Variants in SLCO3A1 observed in about 807,000 individuals in gnomAD.
SLCO3A1 encodes the protein PGE1 transporter.
In SLCO3A1, 27 loss-of-function variants were observed where a neutral mutation model predicts 63.1. That is an observed-to-expected ratio of 0.43 (90% CI 0.32 to 0.59). The LOEUF (loss-of-function observed/expected upper bound fraction) is 0.59. Ranked by LOEUF, SLCO3A1 falls within the 20% of genes least tolerant of loss-of-function variation. The pLI is 0.09. For missense variants in SLCO3A1, 773 were observed against 945.8 expected, an observed-to-expected ratio of 0.82 and a Z score of 2.40; for synonymous variants, 473 against 409.9, an observed-to-expected ratio of 1.15 and a Z score of -1.86.
At chr15:91,991,443 A>G (rs777127876) in intron 2 of SLCO3A1, among the ~76,000 whole-genome samples, 1 of 152,230 alleles carries the variant, frequency 6.6e-6, no homozygotes, top group Non-Finnish European at 1.5e-5. Flanking sequence ...TGTGCAGATC[A>G]TACAAACTGT....
At chr15:92,094,770 C>T in intron 2 of SLCO3A1, 111 bp from the exon 3 acceptor site, 1 of 681,152 alleles carries the variant, frequency 1.5e-6, no homozygotes. Flanking sequence ...TAGATGAATT[C>T]CTAATGTCAT....
intron 2 of SLCO3A1, among the ~76,000 whole-genome samples, chr15:91,924,773 AATG>A (rs1202710073): frequency 6.6e-6 from 1 of 152,212 alleles, no homozygotes; most frequent in Non-Finnish European, 1.5e-5. Flanking sequence ...ATTGGAAAGA[AATG>A]AAACCATTTT....
chr15:92,163,951 A>G lies in SLCO3A1; in HGVS notation c.*816A>G, dbSNP rs2151606094. ...AGGAAGCAGTAGGCCTCGCCTGGCT[A>G]TGACTGACCCGGCTCAGAGCTGGTG... On this transcript the variant is annotated 3_prime_UTR_variant, in exon 10 of 10. Coordinates refer to ENST00000318445, the MANE Select transcript of SLCO3A1 (RefSeq NM_013272.4). 8 of 985,454 alleles carry G rather than the reference A, an allele frequency of 8.1e-6. No individual in the cohort carries two copies. The highest frequency in any genetic ancestry group is 9.6e-6 in the Non-Finnish European group (8 of 829,952). The allele number at this position is 985,454 out of a possible 1,614,324, so 61.0% of individuals were successfully genotyped here.
intron 2 of SLCO3A1, among the ~76,000 whole-genome samples, chr15:92,027,785 A>G (rs762998839): frequency 2.6e-4 from 40 of 152,236 alleles, no homozygotes; most frequent in Non-Finnish European, 4.7e-4. Context: ...GATCATGAAA[A>G]CAGGACCGCG....
rs1416713557 is a variant in SLCO3A1, at chr15:92,163,321, TAAGGAGA to T, written c.*187_*193del. 1.6e-6 allele frequency: 2 copies of T among 1,255,596 alleles called. No homozygotes were observed. The highest frequency in any genetic ancestry group is 2.0e-6 in the Non-Finnish European group (2 of 1,002,996). 77.8% of individuals were successfully genotyped at this position (1,255,596 alleles called of 1,614,324 possible). A position where few individuals can be genotyped will look rare whatever the true frequency, so the allele number is the denominator to read the frequency against. On this transcript the variant is annotated 3_prime_UTR_variant, in exon 10 of 10. Coordinates refer to ENST00000318445, the MANE Select transcript of SLCO3A1 (RefSeq NM_013272.4). Reference sequence around the variant, plus strand: ...CATCAGAGCCAGACAGGATTCAGAATAAGGAGAGAATGACATCGTGCGGCAGGGTCCT... The same window carrying T: ...CATCAGAGCCAGACAGGATTCAGAATGAATGACATCGTGCGGCAGGGTCCT...
chr15:92,080,754 G>T (rs1167005737), intron 2 of SLCO3A1, among the ~76,000 whole-genome samples: 1 of 152,206 alleles, frequency 6.6e-6, no homozygotes, highest in East Asian at 1.9e-4. Context: ...CTTTACGAGA[G>T]ATTTGGGTTC....
At chr15:92,029,356 G>A (rs909290615) in intron 2 of SLCO3A1, among the ~76,000 whole-genome samples, 3 of 152,114 alleles carry the variant, frequency 2.0e-5, no homozygotes, top group East Asian at 1.9e-4. Flanking sequence ...GGGCATGAGC[G>A]GCAGGACCCC....
At chr15:91,965,285 G>C (rs1021352947) in intron 2 of SLCO3A1, among the ~76,000 whole-genome samples, 53 of 152,156 alleles carry the variant, frequency 3.5e-4, no homozygotes, top group African/African-American at 1.2e-3. Flanking sequence ...TGGCTCCTCA[G>C]GGATCCCCAA....
downstream of SLCO3A1, among the ~76,000 whole-genome samples, chr15:92,169,390 C>T (rs570456520): frequency 1.3e-5 from 2 of 152,206 alleles, no homozygotes. Flanking sequence ...CACCTTTAGA[C>T]ACTGATCAAG....
Position 92,065,558 on chromosome 15 carries a change from G to GA in SLCO3A1, c.647-29317dup, listed in dbSNP as rs756015627. On this transcript the variant is annotated intron_variant, in intron 2 of 9. Transcript: ENST00000318445. ...GTCTCAACTCCAGTTTTTCTGCAAGGAAAAAAGGAGGCTAGGCTAAATAAT... is the reference window on the plus strand; with the variant it reads ...GTCTCAACTCCAGTTTTTCTGCAAGGAAAAAAAGGAGGCTAGGCTAAATAAT... Among the ~76,000 whole-genome samples, 152 of 152,136 alleles carry GA rather than the reference G, an allele frequency of 1.0e-3. 2 individuals are homozygous for GA. Among genetic ancestry groups the GA allele is most frequent in the Non-Finnish European group, 1.3e-3 (86 of 67,974 alleles).
chr15:92,166,259 G>A (rs1016042151), downstream of SLCO3A1, among the ~76,000 whole-genome samples: 4 of 152,176 alleles, frequency 2.6e-5, no homozygotes, highest in African/African-American at 9.7e-5. Context: ...CTCACAGCTA[G>A]CGAAGGAGTG....
chr15:92,126,511 G>A (rs76873593), intron 6 of SLCO3A1, among the ~76,000 whole-genome samples: 3,875 of 152,186 alleles, frequency 0.025, 174 homozygotes, highest in African/African-American at 0.089. Context: ...GACTCACATC[G>A]CGATTTTTGG....
chr15:91,877,228 G>T (rs915029339), intron 1 of SLCO3A1, among the ~76,000 whole-genome samples: 5 of 152,282 alleles, frequency 3.3e-5, no homozygotes, highest in African/African-American at 1.2e-4. Context: ...TTTTAATTAA[G>T]TTGGTGTGAA....
chr15:92,108,549 A>C (rs2047691872), intron 4 of SLCO3A1, among the ~76,000 whole-genome samples: 1 of 152,230 alleles, frequency 6.6e-6, no homozygotes, highest in African/African-American at 2.4e-5. Flanking sequence ...TAATAGACAT[A>C]CGTACAGTAT....
intron 2 of SLCO3A1, among the ~76,000 whole-genome samples, chr15:91,982,028 C>T (rs1375994415): frequency 1.3e-5 from 2 of 152,276 alleles, no homozygotes; most frequent in East Asian, 1.9e-4. Context: ...AGGAGAGGGG[C>T]GTGCCCACAG....
downstream of SLCO3A1, chr15:92,170,838 C>T (rs1034943706): frequency 2.6e-5 from 4 of 152,238 alleles, no homozygotes; most frequent in African/African-American, 9.7e-5. Context: ...AGCCATTCAT[C>T]AGCCTTTATC....
At chr15:92,006,287 C>T in intron 2 of SLCO3A1, among the ~76,000 whole-genome samples, 1 of 152,158 alleles carries the variant, frequency 6.6e-6, no homozygotes, top group East Asian at 1.9e-4. Context: ...GATGGTCTGC[C>T]TGACCAAGAG....
At chr15:92,124,463 T>A (rs2047898342) in intron 5 of SLCO3A1, among the ~76,000 whole-genome samples, 2 of 152,102 alleles carry the variant, frequency 1.3e-5, no homozygotes, top group Admixed American at 1.3e-4. Flanking sequence ...GCTTTCTGGG[T>A]GTGGGCATGT....
At chr15:92,096,930 G>C (rs1210338182) in intron 3 of SLCO3A1, among the ~76,000 whole-genome samples, 1 of 152,160 alleles carries the variant, frequency 6.6e-6, no homozygotes, top group Admixed American at 6.5e-5. Flanking sequence ...TAACAGGTAG[G>C]CTGGGAAGAC....
Sources: gnomAD v4.1 joint callset for allele counts (sites outside exome capture counted in the v4.1 genomes callset) on GRCh38, gnomAD v4.1.1 for gene constraint, MANE v1.5 for transcripts, NCBI Gene and HGNC (gene_info 2026-07-23, HGNC 2026-07-21) for gene names.